Variants in CAMTA1 observed in about 807,000 individuals in gnomAD.
The protein encoded by CAMTA1 is calmodulin-binding transcription activator 1.
Under a neutral mutation model 170.9 loss-of-function variants are expected in CAMTA1, and 27 were observed. The observed-to-expected ratio is 0.16, with a 90% CI of 0.12 to 0.22. The LOEUF is 0.22. Ranked by LOEUF, CAMTA1 falls within the 10% of genes least tolerant of loss-of-function variation. The probability of loss-of-function intolerance (pLI) is 1.00; values close to 1 mark genes in which losing one functional copy is unlikely to be tolerated. For missense variants in CAMTA1, 1,619 were observed against 2,217.2 expected, an observed-to-expected ratio of 0.73 and a Z score of 5.42; for synonymous variants, 833 against 891.5, an observed-to-expected ratio of 0.93 and a Z score of 1.17.
At chr1:7,453,050 C>T (rs559668750) in intron 5 of CAMTA1, among the ~76,000 whole-genome samples, 1 of 152,268 alleles carries the variant, frequency 6.6e-6, no homozygotes, top group Non-Finnish European at 1.5e-5. Flanking sequence ...GACCTCCTGG[C>T]CTGCTCTCAG....
At position 7,385,822 on chromosome 1, in the gene CAMTA1, C is replaced by T. The variant is rs1211745034; in HGVS notation, c.439-82008C>T. Among the ~76,000 whole-genome samples the T allele has an allele frequency of 3.3e-5, 5 of 152,334 alleles. No individual in the cohort carries two copies. In the South Asian group the frequency reaches 1.0e-3, roughly 32 times the overall value. On this transcript the variant is annotated intron_variant, in intron 5 of 22. Transcript: ENST00000303635. ...CTCTCTTCCACATTTGGCCTCCCAG[C>T]ACTGGGCGCCTCTGACGGTCTGATT...
chr1:7,745,950 C>A lies in CAMTA1; in HGVS notation c.4476C>A (p.Ala1492=), dbSNP rs148487496. ...TCGAGAAACCTAACCTTCCCTCCGC[C>A]GCGGATTGGTCAGAATTCCTGAGTG... The part of the protein sequence containing the change: ...IAFEKPNLPS[A]ADWSEFLSAS... The change falls in exon 18 of 23, where the codon GCC becomes GCA. Residue 1492 remains alanine, a synonymous_variant. Transcript: ENST00000303635. 1.2e-6 allele frequency: 2 copies of A among 1,614,202 alleles called. No homozygotes were observed. The highest frequency in any genetic ancestry group is 1.1e-5 in the South Asian group (1 of 91,084).
intron 5 of CAMTA1, among the ~76,000 whole-genome samples, chr1:7,449,586 A>G (rs570508590): frequency 6.6e-6 from 1 of 152,208 alleles, no homozygotes; most frequent in East Asian, 1.9e-4. Flanking sequence ...CCTGGCCAAC[A>G]TGGTGAAACC....
Position 7,685,499 on chromosome 1 carries a change from T to C in CAMTA1, c.2914+7766T>C, listed in dbSNP as rs916812051. Among the ~76,000 whole-genome samples, 1 of 152,142 alleles carries C rather than the reference T, an allele frequency of 6.6e-6. No homozygotes were observed. Among genetic ancestry groups the C allele is most frequent in the Admixed American group, 6.5e-5 (1 of 15,284 alleles). On this transcript the variant is annotated intron_variant, in intron 11 of 22. Transcript: ENST00000303635. The surrounding 1 kb of genome is among the most constrained non-coding windows in gnomAD (Gnocchi z 5.7). ...AGGACTCCCAGCCCCTGTGTCCCCA[T>C]TGATGGCCCCTTCCCCAGGCGAAGC...
chr1:7,031,283 T>A (rs1489904663), intron 3 of CAMTA1, among the ~76,000 whole-genome samples: 1 of 152,172 alleles, frequency 6.6e-6, no homozygotes, highest in Non-Finnish European at 1.5e-5. Flanking sequence ...GACTGTTATG[T>A]CCTCATGACT....
intron 4 of CAMTA1, among the ~76,000 whole-genome samples, chr1:7,242,339 A>G (rs933209413): frequency 4.6e-5 from 7 of 152,192 alleles, no homozygotes; most frequent in African/African-American, 1.4e-4. Flanking sequence ...GTGGGAATGA[A>G]TGGAAAATGG....
At chr1:7,712,461 C>G (rs1382181041) in intron 11 of CAMTA1, among the ~76,000 whole-genome samples, 1 of 152,098 alleles carries the variant, frequency 6.6e-6, no homozygotes, top group Non-Finnish European at 1.5e-5. Flanking sequence ...ACAGGGACCA[C>G]AGGTGTGCAT....
At chr1:7,053,192 G>A (rs954383721) in intron 3 of CAMTA1, among the ~76,000 whole-genome samples, 3 of 152,306 alleles carry the variant, frequency 2.0e-5, no homozygotes, top group East Asian at 1.9e-4. Flanking sequence ...CCGCCGCAGC[G>A]TCCCTTCCCT....
At position 7,633,803 on chromosome 1, in the gene CAMTA1, G is replaced by A. The variant is rs912506534; in HGVS notation, c.511-6597G>A. On this transcript the variant is annotated intron_variant, in intron 6 of 22. Coordinates refer to ENST00000303635, the MANE Select transcript of CAMTA1 (RefSeq NM_015215.4). The surrounding 1 kb of genome is among the most constrained non-coding windows in gnomAD (Gnocchi z 4.1). ...CAGGCCAAACCCGAGTAGTAATTGA[G>A]CGGAAACTGAGAGATTAGTGCTGCA... 2.0e-5 allele frequency among the ~76,000 whole-genome samples: 3 copies of A among 152,264 alleles called. No individual in the cohort carries two copies. Among genetic ancestry groups the A allele is most frequent in the Non-Finnish European group, 4.4e-5 (3 of 68,052 alleles).
chr1:7,596,091 A>C (rs2095397467), intron 6 of CAMTA1, among the ~76,000 whole-genome samples: 1 of 152,202 alleles, frequency 6.6e-6, no homozygotes, highest in South Asian at 2.1e-4. Flanking sequence ...AGATGGGTGG[A>C]AAGTCAGGGA....
chr1:7,232,630 G>T (rs1039078428), intron 4 of CAMTA1, among the ~76,000 whole-genome samples: 1 of 152,160 alleles, frequency 6.6e-6, no homozygotes, highest in African/African-American at 2.4e-5. Context: ...GGCCAGGCAC[G>T]TAGGGAGCCT....
intron 3 of CAMTA1, among the ~76,000 whole-genome samples, chr1:6,969,212 A>G (rs561989991): frequency 6.6e-6 from 1 of 152,290 alleles, no homozygotes; most frequent in East Asian, 1.9e-4. Flanking sequence ...GAGCCATGCT[A>G]AATCAGGCAG....
chr1:6,869,934 A>G (rs1370050281), intron 3 of CAMTA1, among the ~76,000 whole-genome samples: 1 of 152,184 alleles, frequency 6.6e-6, no homozygotes, highest in Non-Finnish European at 1.5e-5. Flanking sequence ...TGAATTTTCA[A>G]GATGATTTAG....
At chr1:6,942,081 T>TTTC (rs1686743062) in intron 3 of CAMTA1, among the ~76,000 whole-genome samples, 1 of 151,606 alleles carries the variant, frequency 6.6e-6, no homozygotes, top group Non-Finnish European at 1.5e-5. Flanking sequence ...TTTTTTCTTT[T>TTTC]TTTTTTTAAA....
intron 4 of CAMTA1, among the ~76,000 whole-genome samples, chr1:7,155,988 C>G (rs1236590391): frequency 1.3e-5 from 2 of 152,006 alleles, no homozygotes; most frequent in African/African-American, 2.4e-5. Flanking sequence ...CGCGGTGGCT[C>G]ACAGCTGTAA....
chr1:7,611,282 A>G lies in CAMTA1; in HGVS notation c.511-29118A>G, dbSNP rs572046187. The stretch of plus-strand genomic sequence containing the variant: ...TTTGTTCATTGTGGATTTTTTTCAC[A>G]ACAGTTCCAACTTTTTAGAATATTG... On this transcript the variant is annotated intron_variant, in intron 6 of 22. Coordinates refer to ENST00000303635, the MANE Select transcript of CAMTA1 (RefSeq NM_015215.4). Among the ~76,000 whole-genome samples the G allele has an allele frequency of 4.1e-3, 618 of 152,260 alleles. 8 individuals are homozygous for G. The highest frequency in any genetic ancestry group is 0.014 in the African/African-American group (573 of 41,550).
intron 6 of CAMTA1, among the ~76,000 whole-genome samples, chr1:7,572,258 G>C (rs1401344851): frequency 6.6e-6 from 1 of 152,196 alleles, no homozygotes; most frequent in Non-Finnish European, 1.5e-5. Flanking sequence ...CAGAAGCATA[G>C]TTTGTAAATA....
chr1:6,992,514 T>A (rs997263398), intron 3 of CAMTA1, among the ~76,000 whole-genome samples: 3 of 152,238 alleles, frequency 2.0e-5, no homozygotes, highest in African/African-American at 7.2e-5. Context: ...CTGTTGCTCA[T>A]CCATTTTCAC....
At chr1:7,069,406 A>G (rs375185837) in intron 3 of CAMTA1, among the ~76,000 whole-genome samples, 54 of 152,282 alleles carry the variant, frequency 3.5e-4, no homozygotes, top group African/African-American at 1.3e-3. Flanking sequence ...ACCTCCTTCC[A>G]TCGGGATCAC....
Sources: gnomAD v4.1 joint callset for allele counts (sites outside exome capture counted in the v4.1 genomes callset) on GRCh38, gnomAD v4.1.1 for gene constraint, Gnocchi (gnomAD v3.1) non-coding constraint, MANE v1.5 for transcripts, NCBI Gene and HGNC (gene_info 2026-07-23, HGNC 2026-07-21) for gene names.